EXD3: variants seen among roughly 807,000 people sequenced by gnomAD.
EXD3 encodes exonuclease mut-7 homolog.
Under a neutral mutation model 98.0 loss-of-function variants are expected in EXD3, and 92 were observed. The observed-to-expected ratio is 0.94, with a 90% CI of 0.79 to 1.12. The LOEUF is 1.12. EXD3 is among the 50% of genes most tolerant of loss of function. EXD3 has a pLI of 0.00. For synonymous variants in EXD3, 569 were observed against 526.0 expected (o/e 1.08, Z -1.12); for missense variants, 1,222 against 1,191.6 (o/e 1.03, Z -0.38).
Position 137,324,927 on chromosome 9 carries a change from C to T in EXD3, c.1999-784G>A, listed in dbSNP as rs993164753. On this transcript the variant is annotated intron_variant, in intron 17 of 21. Coordinates refer to ENST00000340951, the MANE Select transcript of EXD3 (RefSeq NM_017820.5). The surrounding 1 kb of genome is among the most constrained non-coding windows in gnomAD (Gnocchi z 4.1). ...CAGGATGGTCTCGATCTCCTGACCT[C>T]GTGATCTGCCCGCCTCGGCCTCCCA... 5.3e-5 allele frequency among the ~76,000 whole-genome samples: 8 copies of T among 152,036 alleles called. No homozygotes were observed. The highest frequency in any genetic ancestry group is 2.1e-4 in the South Asian group (1 of 4,820).
At chr9:137,318,031 A>G (rs1002799719) in intron 19 of EXD3, among the ~76,000 whole-genome samples, 5 of 151,910 alleles carry the variant, frequency 3.3e-5, no homozygotes, top group African/African-American at 1.2e-4. Context: ...CCCTCTGTCT[A>G]TCAACTGAGC....
In EXD3 at chr9:137,362,977, A is replaced by T. The variant is rs565999368; in HGVS notation, c.656+3516T>A. Among the ~76,000 whole-genome samples, 4 of 151,412 alleles carry T rather than the reference A, an allele frequency of 2.6e-5. No individual in the cohort carries two copies. The East Asian group carries it at 7.8e-4, about 30-fold the overall frequency. ...AGGCATGAGCCACCACACCCGGCTA[A>T]TTTTTGTATTTTTAGTAGAGATGGG... On this transcript the variant is annotated intron_variant, in intron 7 of 21. Coordinates refer to ENST00000340951, the MANE Select transcript of EXD3 (RefSeq NM_017820.5).
chr9:137,389,589 C>A (rs1331772620), intron 2 of EXD3, among the ~76,000 whole-genome samples: 1 of 152,146 alleles, frequency 6.6e-6, no homozygotes, highest in Non-Finnish European at 1.5e-5. Flanking sequence ...GCTCAGGGGG[C>A]ATGAGGCGGA....
Position 137,368,084 on chromosome 9 carries a change from G to C in EXD3, c.463-95C>G, listed in dbSNP as rs905800619. The stretch of plus-strand genomic sequence containing the variant: ...CTACCACCCTTTTGCACCAGCACCT[G>C]GTCACTGAGGCCGGAGTGCAGGGCC... On this transcript the variant is annotated intron_variant, in intron 5 of 21. Coordinates refer to ENST00000340951, the MANE Select transcript of EXD3 (RefSeq NM_017820.5). The C allele has an allele frequency of 2.9e-6, 3 of 1,021,630 alleles. No individual in the cohort carries two copies. In the African/African-American group the frequency reaches 4.7e-5, roughly 16 times the overall value. 63.3% of individuals were successfully genotyped at this position (1,021,630 alleles called of 1,614,324 possible). A position where few individuals can be genotyped will look rare whatever the true frequency, so the allele number is the denominator to read the frequency against.
chr9:137,382,188 G>A (rs1040709820), intron 3 of EXD3, among the ~76,000 whole-genome samples: 1 of 151,528 alleles, frequency 6.6e-6, no homozygotes, highest in Non-Finnish European at 1.5e-5. Flanking sequence ...GTGAGGGCGC[G>A]CGGAGGAGGT....
intron 5 of EXD3, 115 bp downstream of exon 5, chr9:137,372,790 G>T: frequency 1.8e-6 from 2 of 1,128,000 alleles, no homozygotes; most frequent in East Asian, 2.6e-5. Context: ...ATACCTCCAT[G>T]TAGACCAGAA....
chr9:137,373,253 GGGGCAGAGGGTGAAGCCAC>G (rs1835730855), intron 4 of EXD3, among the ~76,000 whole-genome samples, 154 bp downstream of exon 4: 1 of 150,484 alleles, frequency 6.6e-6, no homozygotes, highest in Non-Finnish European at 1.5e-5. Flanking sequence ...TGACTGTCAG[GGGGCAGAGGGTGAAGCCAC>G]GGGCTGAGTC....
intron 8 of EXD3, among the ~76,000 whole-genome samples, chr9:137,355,448 GATGGAGGAAGGAGA>G (rs1834598356): frequency 2.5e-4 from 5 of 20,028 alleles, no homozygotes; most frequent in African/African-American, 8.0e-4. Flanking sequence ...AGGAAGGGAG[GATGGAGGAAGGAGA>G]AAGGAGGAAG....
At chr9:137,419,953 A>G (rs1269135405) in intron 1 of EXD3, among the ~76,000 whole-genome samples, 1 of 151,960 alleles carries the variant, frequency 6.6e-6, no homozygotes, top group Admixed American at 6.6e-5. Context: ...AGGTCAGGAG[A>G]TCGAGACCAT....
chr9:137,329,977 C>CA (rs1832908120), intron 17 of EXD3, among the ~76,000 whole-genome samples: 1 of 75,194 alleles, frequency 1.3e-5, no homozygotes, highest in Admixed American at 1.4e-4. Flanking sequence ...AGGAGCTACA[C>CA]GGGACTACAC....
At chr9:137,319,412 T>G (rs924994669) in intron 19 of EXD3, among the ~76,000 whole-genome samples, 1 of 152,134 alleles carries the variant, frequency 6.6e-6, no homozygotes, top group Non-Finnish European at 1.5e-5. Context: ...GGGGTAGGGA[T>G]GGGGCAGCCA....
At chr9:137,335,346 A>C (rs1450286641) in intron 17 of EXD3, among the ~76,000 whole-genome samples, 1 of 152,182 alleles carries the variant, frequency 6.6e-6, no homozygotes, top group African/African-American at 2.4e-5. Context: ...TTAAAACCAC[A>C]ATGAGATACC....
At chr9:137,389,740 A>AT (rs1836793048) in intron 2 of EXD3, among the ~76,000 whole-genome samples, 1 of 152,166 alleles carries the variant, frequency 6.6e-6, no homozygotes, top group South Asian at 2.1e-4. Flanking sequence ...AGATCCCCAA[A>AT]TTTCATTCTG....
Position 137,349,123 on chromosome 9 carries a change from G to A in EXD3, c.1817C>T (p.Ala606Val). The change falls in exon 16 of 22, where the codon GCC becomes GTC. Residue 606 changes from alanine to valine, a missense_variant. By Grantham distance (64) the Ala-to-Val change is moderately conservative. Coordinates refer to ENST00000340951, the MANE Select transcript of EXD3 (RefSeq NM_017820.5). This position sits in a 1 kb window ranked among gnomAD's most constrained non-coding sequence, Gnocchi z 7.4. Reference protein sequence around the residue: ...PPGLQKASAPAAPRQVPVAVA... With the variant: ...PPGLQKASAPVAPRQVPVAVA... ...GGCTTCACCCACCTGCCTGGGTGCG[G>A]CCGGTGCTGACGCTTTCTGCAGGCC... 1.3e-6 allele frequency: 2 copies of A among 1,597,568 alleles called. No individual in the cohort carries two copies. The highest frequency in any genetic ancestry group is 1.7e-6 in the Non-Finnish European group (2 of 1,177,754).
chr9:137,360,054 T>C (rs73668257), intron 7 of EXD3, among the ~76,000 whole-genome samples: 5,013 of 86,564 alleles, frequency 0.058, 1,651 homozygotes, highest in African/African-American at 0.15. Flanking sequence ...CATGTCCTTG[T>C]CACCACTTGG....
At chr9:137,327,929 T>A (rs1339676599) in intron 17 of EXD3, among the ~76,000 whole-genome samples, 1 of 110,060 alleles carries the variant, frequency 9.1e-6, no homozygotes, top group African/African-American at 3.5e-5. Flanking sequence ...TACTCCCATA[T>A]GCTGAGTAAA....
chr9:137,314,905 G>A (rs571896511), intron 19 of EXD3, among the ~76,000 whole-genome samples: 13 of 152,324 alleles, frequency 8.5e-5, no homozygotes, highest in Non-Finnish European at 4.4e-5. Context: ...CCAGCCCCTC[G>A]TGCGCGGGGA....
chr9:137,329,510 C>T (rs1832819574), intron 17 of EXD3, among the ~76,000 whole-genome samples: 1 of 84,962 alleles, frequency 1.2e-5, no homozygotes, highest in Non-Finnish European at 2.2e-5. Flanking sequence ...CACGGGACTA[C>T]ACGGGACTAC....
At chr9:137,344,562 T>C (rs1308122946) in intron 17 of EXD3, among the ~76,000 whole-genome samples, 3 of 152,206 alleles carry the variant, frequency 2.0e-5, no homozygotes, top group African/African-American at 7.2e-5. Flanking sequence ...TTTCGAAGAC[T>C]GTTTCTGACC....
Sources: allele counts gnomAD v4.1 joint callset (sites outside exome capture counted in the v4.1 genomes callset), GRCh38; gene constraint gnomAD v4.1.1; non-coding constraint Gnocchi (gnomAD v3.1); transcripts MANE v1.5; gene names NCBI Gene and HGNC (gene_info 2026-07-23, HGNC 2026-07-21).